Variants in PLSCR3 observed in about 807,000 individuals in gnomAD.
The protein encoded by PLSCR3 is phospholipid scramblase 3.
PLSCR3 carries 17 observed loss-of-function variants against 33.7 expected under a neutral mutation model. That is an observed-to-expected ratio of 0.50 (90% confidence interval 0.35 to 0.76). The LOEUF is 0.76. PLSCR3 is among the 30% of genes least tolerant of loss of function. The pLI is 0.01. For synonymous variants in PLSCR3, 166 were observed against 166.0 expected (o/e 1.00, Z 0.00); for missense variants, 360 against 394.1 (o/e 0.91, Z 0.73).
At position 7,390,392 on chromosome 17, in the gene PLSCR3, G is replaced by A. The variant is rs1297031394; in HGVS notation, c.881C>T (p.Thr294Ile). ...CTCACACCATGGTGGCCTCTAACTG[G>A]TGACGGCAGAGGGCCCAGCGCCTCC... ...KRGGAGPSAVTS is the reference protein window; with the variant it reads ...KRGGAGPSAVIS Residue 294 changes from threonine (T) to isoleucine (I), a missense_variant, in exon 8 of 8, where the codon ACC (threonine) becomes ATC (isoleucine). Physicochemically the swap from Thr to Ile is moderately conservative, Grantham distance 89. Coordinates refer to ENST00000619711, the MANE Select transcript of PLSCR3 (RefSeq NM_020360.4). 1.9e-6 allele frequency: 3 copies of A among 1,552,262 alleles called. No homozygotes were observed. In the Admixed American group the frequency reaches 5.9e-5, roughly 30 times the overall value.
rs2277640 is a variant in PLSCR3, at chr17:7,393,368, C to T, written c.287-4G>A. The T allele has an allele frequency of 5.1e-4, 825 of 1,613,574 alleles. 8 individuals carry two copies. In the East Asian group the frequency reaches 0.018, roughly 35 times the overall value. On this transcript the variant is annotated splice_polypyrimidine_tract_variant and splice_region_variant and intron_variant, in intron 4 of 7. Coordinates refer to ENST00000619711, the MANE Select transcript of PLSCR3 (RefSeq NM_020360.4). ...CAGGTCTCCCAGCCTAGGAACGCTG[C>T]CCGAGGTGACACGGGGAGACTCGTA...
rs531577428 is a variant in PLSCR3, at chr17:7,394,134, G to A, written c.-24C>T. ...ATGGGAGAAGGGCTGGGGTTTTCGA[G>A]ATGATGGTGTCTGGGTGGCTTAGTT... On this transcript the variant is annotated 5_prime_UTR_variant, in exon 2 of 8. Transcript: ENST00000619711. This position sits in a 1 kb window ranked among gnomAD's most constrained non-coding sequence, Gnocchi z 5.3. 84 of 1,612,454 alleles carry A rather than the reference G, an allele frequency of 5.2e-5. No individual in the cohort carries two copies. The highest frequency in any genetic ancestry group is 3.9e-4 in the African/African-American group (29 of 75,014).
rs777855678 is a variant in PLSCR3 at position 7,394,064 on chromosome 17, G to C, written c.7+40C>G. ...GTTCAAACCCGGCTCCCAAGTCCGT[G>C]GGGGGGATAACGGAGACCCCCAGAC... is the stretch of plus-strand genomic sequence containing the variant. On this transcript the variant is annotated intron_variant, in intron 2 of 7. Transcript: ENST00000619711. This position sits in a 1 kb window ranked among gnomAD's most constrained non-coding sequence, Gnocchi z 5.3. The C allele has an allele frequency of 2.5e-6, 4 of 1,599,336 alleles. No individual in the cohort carries two copies. In the African/African-American group the frequency reaches 4.0e-5, roughly 16 times the overall value.
chr17:7,390,924 G>T, intron 6 of PLSCR3, 129 bp from the exon 7 acceptor site: 1 of 888,814 alleles, frequency 1.1e-6, no homozygotes, highest in Non-Finnish European at 1.8e-6. Context: ...CCCCTCTAAT[G>T]GTCACCGAGT....
intron 6 of PLSCR3, among the ~76,000 whole-genome samples, chr17:7,392,098 T>C (rs1478267420): frequency 6.6e-6 from 1 of 152,182 alleles, no homozygotes; most frequent in African/African-American, 2.4e-5. Flanking sequence ...GGCAGGAGAA[T>C]TGCTTGAACC....
In PLSCR3 at chr17:7,390,266, C is replaced by A. The variant is rs558397818; in HGVS notation, c.*119G>T. 96 of 796,742 alleles carry A rather than the reference C, an allele frequency of 1.2e-4. No homozygotes were observed. In the African/African-American group the frequency reaches 1.6e-3, roughly 13 times the overall value. 49.4% of individuals were successfully genotyped at this position (796,742 alleles called of 1,614,324 possible). On this transcript the variant is annotated 3_prime_UTR_variant, in exon 8 of 8. Coordinates refer to ENST00000619711, the MANE Select transcript of PLSCR3 (RefSeq NM_020360.4). The stretch of plus-strand genomic sequence containing the variant: ...GCCAGGGAGTAGGGTAGGGATGGGG[C>A]CCCCCTTCTGTCCCCTGCAGTGTAC...
chr17:7,390,528 C>T (rs770730812), intron 7 of PLSCR3, 87 bp from the exon 8 acceptor site: 2 of 1,565,934 alleles, frequency 1.3e-6, no homozygotes, highest in South Asian at 2.3e-5. Flanking sequence ...TCAACCCCCA[C>T]AACACCTATT....
In PLSCR3 at chr17:7,393,337, C is replaced by T; in HGVS notation, c.314G>A (p.Arg105Gln). The change falls in exon 5 of 8, where the codon CGG (arginine) becomes CAG (glutamine). Residue 105 changes from arginine to glutamine, a missense_variant. Transcript: ENST00000619711. Reference protein sequence around the residue: ...ETFLGWETCNRYELRSGAGQP... With the variant: ...ETFLGWETCNQYELRSGAGQP... ...CCCGGCCCCAGAGCGCAGTTCATACCGATTACAGGTCTCCCAGCCTAGGAA... is the reference window on the plus strand; with the variant it reads ...CCCGGCCCCAGAGCGCAGTTCATACTGATTACAGGTCTCCCAGCCTAGGAA... 1 of 1,612,842 alleles carries T rather than the reference C, an allele frequency of 6.2e-7. No individual in the cohort carries two copies. Among genetic ancestry groups the T allele is most frequent in the Non-Finnish European group, 8.5e-7 (1 of 1,179,934 alleles).
chr17:7,390,081 C>T lies in PLSCR3; in HGVS notation c.*304G>A, dbSNP rs927978313. On this transcript the variant is annotated 3_prime_UTR_variant, in exon 8 of 8. Coordinates refer to ENST00000619711, the MANE Select transcript of PLSCR3 (RefSeq NM_020360.4). ...CCAGAGTCCTGGGTTCCAGAGGCCT[C>T]CTTTGGAGCAGAGGCCCTGGAAGGG... The T allele has an allele frequency of 6.7e-6, 2 of 299,860 alleles. No individual in the cohort carries two copies. The highest frequency in any genetic ancestry group is 1.3e-5 in the Non-Finnish European group (2 of 158,280). The allele number at this position is 299,860 out of a possible 1,614,324, so 18.6% of individuals were successfully genotyped here.
Position 7,393,248 on chromosome 17 carries a change from G to A in PLSCR3, c.403C>T (p.Arg135Trp), listed in dbSNP as rs771541453. The stretch of plus-strand genomic sequence containing the variant: ...TCGGCCAGGCGGACACGCAGCGGCC[G>A]GCGGGCGCCACAGCACAGACGGGCG... Reference protein sequence around the residue: ...CCARLCCGARRPLRVRLADPG... With the variant: ...CCARLCCGARWPLRVRLADPG... Residue 135 changes from arginine to tryptophan, a missense_variant, in exon 5 of 8, where the codon CGG (arginine) becomes TGG (tryptophan). Transcript: ENST00000619711. 3.8e-6 allele frequency: 6 copies of A among 1,593,760 alleles called. No homozygotes were observed. Among genetic ancestry groups the A allele is most frequent in the South Asian group, 1.1e-5 (1 of 90,644 alleles).
intron 5 of PLSCR3, 43 bp downstream of exon 5, chr17:7,393,101 G>A: frequency 7.0e-7 from 1 of 1,438,402 alleles, no homozygotes; most frequent in East Asian, 2.5e-5. Flanking sequence ...TCATTGTCCC[G>A]CCCCACCAAG....
At chr17:7,390,539 C>T in intron 7 of PLSCR3, 95 bp downstream of exon 7, 1 of 1,574,216 alleles carries the variant, frequency 6.4e-7, no homozygotes, top group Non-Finnish European at 8.7e-7. Flanking sequence ...AACACCTATT[C>T]CTGACTTTCC....
intron 5 of PLSCR3, 32 bp downstream of exon 5, chr17:7,393,112 G>GGCCCCCC: frequency 3.4e-5 from 43 of 1,255,962 alleles, no homozygotes; most frequent in Non-Finnish European, 3.9e-5. Context: ...CCCCACCAAG[G>GGCCCCCC]CCCGCCCTCC....
intron 6 of PLSCR3, among the ~76,000 whole-genome samples, chr17:7,392,050 C>T (rs578156285): frequency 1.7e-4 from 26 of 152,236 alleles, no homozygotes; most frequent in African/African-American, 4.8e-4. Context: ...CCAGGCATGG[C>T]GGCGCATGCC....
rs12947833 is a variant in PLSCR3 at position 7,394,268 on chromosome 17, C to G, written c.-157-1G>C. ...GCCCAGGGTCTCTTGGGCGGCGCCTCTGACTCGGGGAGAAACCCAAGTGTC... is the reference window on the plus strand; with the variant it reads ...GCCCAGGGTCTCTTGGGCGGCGCCTGTGACTCGGGGAGAAACCCAAGTGTC... On this transcript the variant is annotated splice_acceptor_variant, in intron 1 of 7. Coordinates refer to ENST00000619711, the MANE Select transcript of PLSCR3 (RefSeq NM_020360.4). LOFTEE classifies it low-confidence loss of function (5UTR_SPLICE). The surrounding 1 kb of genome is among the most constrained non-coding windows in gnomAD (Gnocchi z 5.3). The G allele has an allele frequency of 1.6e-6, 1 of 636,732 alleles. No homozygotes were observed. 39.4% of individuals were successfully genotyped at this position (636,732 alleles called of 1,614,324 possible).
chr17:7,390,317 A>T lies in PLSCR3; in HGVS notation c.*68T>A. The T allele has an allele frequency of 2.4e-6, 3 of 1,232,720 alleles. No individual in the cohort carries two copies. The East Asian group carries it at 7.6e-5, about 31-fold the overall frequency. The allele number at this position is 1,232,720 out of a possible 1,614,324, so 76.4% of individuals were successfully genotyped here. A position where few individuals can be genotyped will look rare whatever the true frequency, so the allele number is the denominator to read the frequency against. On this transcript the variant is annotated 3_prime_UTR_variant, in exon 8 of 8. Transcript: ENST00000619711. ...ATGGAGGAAAGGGGCTGCCCAGAGG[A>T]GGGGCCAGGGCAGGTGACCATCTGG...
chr17:7,393,872 G>A, intron 2 of PLSCR3, 36 bp from the exon 3 acceptor site: 2 of 1,292,264 alleles, frequency 1.5e-6, no homozygotes, highest in Non-Finnish European at 2.1e-6. Flanking sequence ...ATTAGAAAGG[G>A]ACTCAAGGCC....
rs372378573 is a variant in PLSCR3 at position 7,394,170 on chromosome 17, A to C, written c.-60T>G. Reference sequence around the variant, plus strand: ...CTGGGTGGCTTAGTTCTGGAAGCGGAGGCAAACTCGGAGATAGCCAGACAG... The same window carrying C: ...CTGGGTGGCTTAGTTCTGGAAGCGGCGGCAAACTCGGAGATAGCCAGACAG... On this transcript the variant is annotated 5_prime_UTR_variant, in exon 2 of 8. Coordinates refer to ENST00000619711, the MANE Select transcript of PLSCR3 (RefSeq NM_020360.4). The surrounding 1 kb of genome is among the most constrained non-coding windows in gnomAD (Gnocchi z 5.3). The C allele has an allele frequency of 9.7e-6, 15 of 1,544,664 alleles. No individual in the cohort carries two copies. In the East Asian group the frequency reaches 3.1e-4, roughly 32 times the overall value.
At chr17:7,390,560 G>A in intron 7 of PLSCR3, 74 bp downstream of exon 7, 6 of 1,584,302 alleles carry the variant, frequency 3.8e-6, no homozygotes, top group Non-Finnish European at 5.2e-6. Context: ...CCTAGCAAGA[G>A]GCCAGGAAAT....
Sources: allele counts gnomAD v4.1 joint callset (sites outside exome capture counted in the v4.1 genomes callset), GRCh38; gene constraint gnomAD v4.1.1; non-coding constraint Gnocchi (gnomAD v3.1); transcripts MANE v1.5; gene names NCBI Gene and HGNC (gene_info 2026-07-23, HGNC 2026-07-21).